Variants in RABGAP1L observed in about 807,000 individuals in gnomAD.
RABGAP1L encodes the protein RAB GTPase activating protein 1 like, also known as rab GTPase-activating protein 1-like.
Under a neutral mutation model 137.7 loss-of-function variants are expected in RABGAP1L, and 63 were observed. The observed-to-expected ratio is 0.46, with a 90% CI of 0.37 to 0.56. The LOEUF is 0.56. Ranked by LOEUF, RABGAP1L falls within the 20% of genes least tolerant of loss-of-function variation. RABGAP1L has a pLI of 0.00. For missense variants in RABGAP1L, 1,095 were observed against 1,244.0 expected (o/e 0.88, Z 1.80); for synonymous variants, 431 against 433.7 (o/e 0.99, Z 0.08).
Position 174,221,120 on chromosome 1 carries a change from CAAAT to C in RABGAP1L, c.290_293del (p.Asn97SerfsTer6), listed in dbSNP as rs759766030. Reference sequence around the variant, plus strand: ...TTTGGAGATATTCCAGCCAGCCAAACAAATAAGCCATCTCTTCAGTTAATTTTGG... The same window carrying C: ...TTTGGAGATATTCCAGCCAGCCAAACAAGCCATCTCTTCAGTTAATTTTGG... On this transcript the variant is annotated frameshift_variant, in exon 3 of 26. Transcript: ENST00000681986. LOFTEE classifies it high-confidence loss of function. 5.0e-6 allele frequency: 8 copies of C among 1,612,830 alleles called. No individual in the cohort carries two copies. In the Admixed American group the frequency reaches 1.0e-4, roughly 20 times the overall value.
intron 1 of RABGAP1L, among the ~76,000 whole-genome samples, chr1:174,174,451 G>C (rs193194586): frequency 1.4e-4 from 22 of 152,218 alleles, no homozygotes; most frequent in African/African-American, 5.3e-4. Context: ...TGTAGATACA[G>C]ATCTGTTGGA....
intron 17 of RABGAP1L, among the ~76,000 whole-genome samples, chr1:174,742,743 G>A (rs1271809139): frequency 5.3e-5 from 8 of 152,152 alleles, no homozygotes; most frequent in Admixed American, 1.3e-4. Context: ...AATATAATCC[G>A]ATGTGTATCA....
chr1:174,518,615 T>C (rs964351228), intron 13 of RABGAP1L, among the ~76,000 whole-genome samples: 3 of 152,212 alleles, frequency 2.0e-5, no homozygotes, highest in Non-Finnish European at 4.4e-5. Context: ...GTGTTAAATA[T>C]ACATTTAGTA....
At chr1:174,511,616 T>C (rs1045337291) in intron 13 of RABGAP1L, among the ~76,000 whole-genome samples, 1 of 151,896 alleles carries the variant, frequency 6.6e-6, no homozygotes, top group Non-Finnish European at 1.5e-5. Flanking sequence ...GCTTTTCTTT[T>C]CTTTCTTTTG....
At chr1:174,372,729 A>G (rs1351204492) in intron 12 of RABGAP1L, among the ~76,000 whole-genome samples, 3 of 152,052 alleles carry the variant, frequency 2.0e-5, no homozygotes, top group African/African-American at 4.8e-5. Flanking sequence ...TTTAGGTTTT[A>G]TTTTCACATG....
At chr1:174,225,879 A>G (rs780751983) in intron 3 of RABGAP1L, among the ~76,000 whole-genome samples, 4 of 152,002 alleles carry the variant, frequency 2.6e-5, no homozygotes, top group Non-Finnish European at 4.4e-5. Flanking sequence ...TTTCTTTTCC[A>G]TTTTTGGGTT....
chr1:174,548,737 T>G (rs987680027), intron 13 of RABGAP1L, among the ~76,000 whole-genome samples: 7 of 152,200 alleles, frequency 4.6e-5, no homozygotes, highest in Non-Finnish European at 8.8e-5. Context: ...TCCTTACCAC[T>G]TTCCTGATTT....
intron 3 of RABGAP1L, among the ~76,000 whole-genome samples, chr1:174,224,107 G>T (rs540460571): frequency 6.6e-6 from 1 of 152,138 alleles, no homozygotes; most frequent in Non-Finnish European, 1.5e-5. Flanking sequence ...AAACAATGGA[G>T]CATATTTTTG....
chr1:174,355,161 C>T (rs1039182245), intron 11 of RABGAP1L, among the ~76,000 whole-genome samples: 33 of 152,090 alleles, frequency 2.2e-4, no homozygotes, highest in Admixed American at 2.0e-3. Flanking sequence ...GACACATGCA[C>T]ATGTATGTTT....
At position 174,708,751 on chromosome 1, in the gene RABGAP1L, TTTTG is replaced by T. The variant is rs570466652; in HGVS notation, c.2169+6507_2169+6510del. ...CAGACACCAAGCTAGCTGCAGGAGT[TTTTG>T]TTTGTTTGTTTTGTTTTGTTTTGTT... On this transcript the variant is annotated intron_variant, in intron 17 of 25. Coordinates refer to ENST00000681986, the MANE Select transcript of RABGAP1L (RefSeq NM_001366446.1). Among the ~76,000 whole-genome samples the T allele has an allele frequency of 3.9e-4, 60 of 152,154 alleles. No individual in the cohort carries two copies. The South Asian group carries it at 9.1e-3, about 23-fold the overall frequency.
chr1:174,709,434 G>T (rs1321277853), intron 17 of RABGAP1L, among the ~76,000 whole-genome samples: 2 of 152,194 alleles, frequency 1.3e-5, no homozygotes, highest in Non-Finnish European at 2.9e-5. Flanking sequence ...GCTCTGGCTG[G>T]CATCTGGCAG....
At chr1:174,636,903 TAGAA>T (rs965216144) in intron 13 of RABGAP1L, among the ~76,000 whole-genome samples, 7 of 152,034 alleles carry the variant, frequency 4.6e-5, no homozygotes, top group Non-Finnish European at 8.8e-5. Context: ...GTTATATAAA[TAGAA>T]AAAAATGCAA....
intron 13 of RABGAP1L, among the ~76,000 whole-genome samples, chr1:174,518,932 G>C (rs565936724): frequency 2.0e-5 from 3 of 152,222 alleles, no homozygotes; most frequent in Admixed American, 6.5e-5. Context: ...AGGAATGATG[G>C]GAGCTGTGTA....
chr1:174,541,922 C>T (rs1665491182), intron 13 of RABGAP1L, among the ~76,000 whole-genome samples: 1 of 152,202 alleles, frequency 6.6e-6, no homozygotes, highest in Non-Finnish European at 1.5e-5. Context: ...TTGAACTAGC[C>T]TTGCATCCCA....
At chr1:174,650,577 C>T (rs898506021) in intron 14 of RABGAP1L, among the ~76,000 whole-genome samples, 5 of 148,352 alleles carry the variant, frequency 3.4e-5, no homozygotes, top group African/African-American at 5.1e-5. Flanking sequence ...GTGTACGTGT[C>T]GAGGAATTTA....
At chr1:174,293,558 G>A (rs1676828566) in intron 10 of RABGAP1L, among the ~76,000 whole-genome samples, 1 of 152,052 alleles carries the variant, frequency 6.6e-6, no homozygotes, top group Non-Finnish European at 1.5e-5. Flanking sequence ...TAGTTGTATT[G>A]TCCTTATTGG....
intron 13 of RABGAP1L, among the ~76,000 whole-genome samples, chr1:174,561,537 G>A (rs963030744): frequency 1.1e-4 from 16 of 152,110 alleles, no homozygotes; most frequent in Non-Finnish European, 7.3e-5. Context: ...CCAAAAAAGA[G>A]CCCACATAGC....
chr1:174,451,562 G>A (rs954203662), intron 13 of RABGAP1L, among the ~76,000 whole-genome samples: 2 of 152,198 alleles, frequency 1.3e-5, no homozygotes, highest in Non-Finnish European at 2.9e-5. Context: ...CTAGTCAATG[G>A]CAGAGGTTCC....
At chr1:174,261,776 C>T (rs2148630658) in intron 7 of RABGAP1L, among the ~76,000 whole-genome samples, 1 of 152,278 alleles carries the variant, frequency 6.6e-6, no homozygotes, top group African/African-American at 2.4e-5. Context: ...TAGGTAAAAA[C>T]TCAAGTTACT....
Sources: gnomAD v4.1 joint callset for allele counts (sites outside exome capture counted in the v4.1 genomes callset) on GRCh38, gnomAD v4.1.1 for gene constraint, MANE v1.5 for transcripts, NCBI Gene and HGNC (gene_info 2026-07-23, HGNC 2026-07-21) for gene names.